NAA40: variants seen among roughly 807,000 people sequenced by gnomAD.
The protein encoded by NAA40 is N-alpha-acetyltransferase 40, NatD catalytic subunit.
A neutral mutation model predicts 36.6 loss-of-function variants in NAA40; 26 were observed. The observed-to-expected ratio is 0.71, with a 90% confidence interval of 0.52 to 0.98. The LOEUF (loss-of-function observed/expected upper bound fraction) is 0.98. Among genes scored for constraint, NAA40 ranks in the 50% least tolerant of loss-of-function variants. The pLI is 0.00. For missense variants in NAA40, 237 were observed against 306.5 expected (o/e 0.77, Z 1.69); for synonymous variants, 129 against 108.4 (o/e 1.19, Z -1.18).
intron 3 of NAA40, among the ~76,000 whole-genome samples, chr11:63,950,114 T>A (rs555184095): frequency 1.0e-5 from 1 of 98,778 alleles, no homozygotes; most frequent in African/African-American, 5.1e-5. Flanking sequence ...TGGTATGAGG[T>A]TTTTTTTGTT....
rs898053254 is a variant in NAA40 at position 63,952,133 on chromosome 11, A to G, written c.156-105A>G. On this transcript the variant is annotated intron_variant, in intron 3 of 7. Coordinates refer to ENST00000377793, the MANE Select transcript of NAA40 (RefSeq NM_024771.4). Reference sequence around the variant, plus strand: ...ATACAGGGTTGGCTTTTCTCTGTGCAGTAACTGAGACTGGGCCTTCCTCCC... The same window carrying G: ...ATACAGGGTTGGCTTTTCTCTGTGCGGTAACTGAGACTGGGCCTTCCTCCC... The G allele has an allele frequency of 2.8e-5, 24 of 854,534 alleles. No homozygotes were observed. The African/African-American group carries it at 3.6e-4, about 13-fold the overall frequency. The allele number at this position is 854,534 out of a possible 1,614,324, so 52.9% of individuals were successfully genotyped here.
At chr11:63,954,127 C>T (rs2134281821) in intron 7 of NAA40, 78 bp downstream of exon 7, 5 of 1,479,884 alleles carry the variant, frequency 3.4e-6, no homozygotes, top group Non-Finnish European at 4.7e-6. Context: ...GGCCCTCACT[C>T]ATTCTGATGC....
intron 5 of NAA40, 61 bp from the exon 6 acceptor site, chr11:63,952,695 A>G: frequency 1.2e-6 from 2 of 1,603,950 alleles, no homozygotes; most frequent in Non-Finnish European, 1.7e-6. Flanking sequence ...CTCCTCTGCC[A>G]GACCTTACAG....
At position 63,939,037 on chromosome 11, in the gene NAA40, C is replaced by A; in HGVS notation, c.-60C>A. 6.3e-7 allele frequency: 1 copy of A among 1,592,522 alleles called. No individual in the cohort carries two copies. Among genetic ancestry groups the A allele is most frequent in the Non-Finnish European group, 8.6e-7 (1 of 1,169,256 alleles). ...CTGCCGCCGCTGTTGCAGCCACCGC[C>A]GTTGCCGCCTCCCTGCCGGCAAGTG... On this transcript the variant is annotated 5_prime_UTR_variant, in exon 1 of 8. Transcript: ENST00000377793.
chr11:63,944,337 TGG>T (rs1942152716), intron 1 of NAA40, among the ~76,000 whole-genome samples: 1 of 151,794 alleles, frequency 6.6e-6, no homozygotes, highest in Non-Finnish European at 1.5e-5. Context: ...GGAGGGGTGT[TGG>T]GGGGGAGGTG....
intron 1 of NAA40, among the ~76,000 whole-genome samples, chr11:63,940,885 C>G (rs76803091): frequency 1.3e-5 from 2 of 152,208 alleles, no homozygotes; most frequent in African/African-American, 4.8e-5. Flanking sequence ...GGTGAAAGGT[C>G]CTAGACACAG....
intron 1 of NAA40, among the ~76,000 whole-genome samples, chr11:63,945,310 C>T (rs1217178425): frequency 6.6e-6 from 1 of 152,160 alleles, no homozygotes; most frequent in Admixed American, 6.6e-5. Flanking sequence ...AGTCCGAACA[C>T]GGTGGCCCCC....
At chr11:63,946,751 C>T (rs562812641) in intron 2 of NAA40, 200 bp from the exon 3 acceptor site, 20 of 1,531,296 alleles carry the variant, frequency 1.3e-5, no homozygotes, top group African/African-American at 1.1e-4. Context: ...CTCTCCTGGG[C>T]CTTTCCACCA....
At chr11:63,952,907 C>T (rs902213025) in intron 6 of NAA40, 68 bp downstream of exon 6, 42 of 1,398,910 alleles carry the variant, frequency 3.0e-5, no homozygotes, top group Middle Eastern at 3.7e-4. Flanking sequence ...GAGGCACTTG[C>T]CATTCTTTGA....
chr11:63,949,362 T>C (rs1467167678), intron 3 of NAA40, among the ~76,000 whole-genome samples: 1 of 152,160 alleles, frequency 6.6e-6, no homozygotes, highest in Non-Finnish European at 1.5e-5. Flanking sequence ...CATGTGCAGC[T>C]GTGTAGTGGT....
chr11:63,956,492 A>G lies in NAA40; in HGVS notation c.*2013A>G, dbSNP rs1942367343. ...CTGGATACGTGGCACCAACTGGTCAATGGGTGCTTGGTGCCATACCCTGCT... is the reference window on the plus strand; with the variant it reads ...CTGGATACGTGGCACCAACTGGTCAGTGGGTGCTTGGTGCCATACCCTGCT... On this transcript the variant is annotated 3_prime_UTR_variant, in exon 8 of 8. Transcript: ENST00000377793. 6.6e-6 allele frequency: 1 copy of G among 152,472 alleles called. No individual in the cohort carries two copies. Among genetic ancestry groups the G allele is most frequent in the African/African-American group, 2.4e-5 (1 of 41,414 alleles). 9.4% of individuals were successfully genotyped at this position (152,472 alleles called of 1,614,324 possible).
intron 1 of NAA40, among the ~76,000 whole-genome samples, chr11:63,944,790 C>A (rs1354624633): frequency 1.3e-5 from 2 of 151,306 alleles, no homozygotes; most frequent in Non-Finnish European, 1.5e-5. Context: ...GTAATCCCAG[C>A]TACTTGGGAG....
intron 3 of NAA40, 26 bp from the exon 4 acceptor site, chr11:63,952,212 C>A (rs750579163): frequency 2.5e-5 from 39 of 1,563,240 alleles, no homozygotes; most frequent in Non-Finnish European, 3.3e-5. Context: ...GTAACCAATT[C>A]CGTACACGTC....
At chr11:63,950,594 C>T (rs1331419695) in intron 3 of NAA40, among the ~76,000 whole-genome samples, 6 of 152,074 alleles carry the variant, frequency 3.9e-5, no homozygotes, top group African/African-American at 9.7e-5. Context: ...GCCGGAGTAG[C>T]TGGGATTACA....
intron 3 of NAA40, among the ~76,000 whole-genome samples, chr11:63,950,190 C>G (rs1450568606): frequency 6.7e-6 from 1 of 149,406 alleles, no homozygotes; most frequent in East Asian, 2.0e-4. Context: ...ACGATCTCGG[C>G]TCACTGCAGC....
At chr11:63,953,826 C>T (rs1782555444) in intron 6 of NAA40, 146 bp from the exon 7 acceptor site, 2 of 692,122 alleles carry the variant, frequency 2.9e-6, no homozygotes, top group South Asian at 1.8e-5. Flanking sequence ...AATGGGGTCC[C>T]ACTATGTTTT....
At chr11:63,943,554 G>A (rs887185417) in intron 1 of NAA40, among the ~76,000 whole-genome samples, 5 of 152,194 alleles carry the variant, frequency 3.3e-5, no homozygotes, top group Non-Finnish European at 2.9e-5. Flanking sequence ...CTGGGATTGA[G>A]TCTCCCCTCT....
intron 3 of NAA40, among the ~76,000 whole-genome samples, chr11:63,950,885 T>A (rs1259106271): frequency 1.3e-5 from 2 of 152,240 alleles, no homozygotes; most frequent in Non-Finnish European, 2.9e-5. Context: ...TTCCTGTGGT[T>A]GTGATCTTAC....
chr11:63,950,619 C>T (rs1328566303), intron 3 of NAA40, among the ~76,000 whole-genome samples: 1 of 151,866 alleles, frequency 6.6e-6, no homozygotes, highest in East Asian at 1.9e-4. Flanking sequence ...CCCCCCACCA[C>T]GCCCGGCTAA....
Sources: allele counts gnomAD v4.1 joint callset (sites outside exome capture counted in the v4.1 genomes callset), GRCh38; gene constraint gnomAD v4.1.1; transcripts MANE v1.5; gene names NCBI Gene and HGNC (gene_info 2026-07-23, HGNC 2026-07-21).